The following CAMK1D variants were observed in gnomAD, a reference collection of about 807,000 sequenced individuals.
The protein encoded by CAMK1D is calcium/calmodulin dependent protein kinase ID.
In CAMK1D, 9 loss-of-function variants were observed where a neutral mutation model predicts 47.7. That is an observed-to-expected ratio of 0.19 (90% CI 0.11 to 0.33). CAMK1D has a LOEUF of 0.33. Among genes scored for constraint, CAMK1D ranks in the 10% least tolerant of loss-of-function variants. CAMK1D has a pLI of 1.00. For synonymous variants in CAMK1D, 184 were observed against 184.9 expected (o/e 0.99, Z 0.04); for missense variants, 291 against 488.7 (o/e 0.60, Z 3.81).
intron 6 of CAMK1D, among the ~76,000 whole-genome samples, chr10:12,804,937 C>CAAAAAAAAAAAAAAAAAAAAAAAAAA (rs145584740): frequency 2.0e-5 from 1 of 51,056 alleles, no homozygotes; most frequent in Non-Finnish European, 3.2e-5. Flanking sequence ...GACCCTGTCT[C>CAAAAAAAAAAAAAAAAAAAAAAAAAA]AAAAAAAAAA....
At chr10:12,436,134 G>A (rs1395161265) in intron 1 of CAMK1D, among the ~76,000 whole-genome samples, 1 of 152,182 alleles carries the variant, frequency 6.6e-6, no homozygotes, top group Non-Finnish European at 1.5e-5. Context: ...GGCTTTCCGG[G>A]CCCCGGCTTC....
intron 1 of CAMK1D, among the ~76,000 whole-genome samples, chr10:12,390,775 C>A (rs1371558436): frequency 6.6e-6 from 1 of 152,138 alleles, no homozygotes; most frequent in Non-Finnish European, 1.5e-5. Flanking sequence ...GAGGGACTTG[C>A]CTGAGATCAC....
chr10:12,647,777 G>A (rs1366674526), intron 2 of CAMK1D, among the ~76,000 whole-genome samples: 2 of 152,318 alleles, frequency 1.3e-5, no homozygotes, highest in East Asian at 3.9e-4. Flanking sequence ...CCCAATGCTT[G>A]TGGGTGTGTG....
intron 1 of CAMK1D, among the ~76,000 whole-genome samples, chr10:12,367,762 A>G (rs1370074246): frequency 2.0e-5 from 3 of 151,964 alleles, no homozygotes; most frequent in South Asian, 4.2e-4. Context: ...ACTGCAAGTG[A>G]TGGGGGCGTC....
chr10:12,401,774 G>C (rs544295508), intron 1 of CAMK1D, among the ~76,000 whole-genome samples: 2 of 152,074 alleles, frequency 1.3e-5, no homozygotes, highest in South Asian at 2.1e-4. Flanking sequence ...TTGGTCCTGA[G>C]ACACAGAGGA....
chr10:12,784,213 T>TTTTTTG (rs1331273409), intron 5 of CAMK1D, among the ~76,000 whole-genome samples: 6 of 142,334 alleles, frequency 4.2e-5, no homozygotes, highest in Non-Finnish European at 9.4e-5. Context: ...TTTTTTTTTT[T>TTTTTTG]TTTGAGATGG....
At chr10:12,515,422 T>TC (rs1437868584) in intron 1 of CAMK1D, among the ~76,000 whole-genome samples, 15 of 134,094 alleles carry the variant, frequency 1.1e-4, no homozygotes, top group African/African-American at 3.9e-4. Flanking sequence ...TTTTTTCTTT[T>TC]TTTTTTTCAT....
At chr10:12,532,838 G>T (rs1835852662) in intron 1 of CAMK1D, among the ~76,000 whole-genome samples, 1 of 151,946 alleles carries the variant, frequency 6.6e-6, no homozygotes, top group South Asian at 2.1e-4. Context: ...AATAAGCCAG[G>T]CACAGAAAGA....
intron 2 of CAMK1D, among the ~76,000 whole-genome samples, chr10:12,591,266 T>C (rs1031728404): frequency 6.6e-6 from 1 of 152,220 alleles, no homozygotes; most frequent in African/African-American, 2.4e-5. Flanking sequence ...ATAACCCCTG[T>C]AGCAATTGGC....
At chr10:12,594,136 A>G (rs761202897) in intron 2 of CAMK1D, among the ~76,000 whole-genome samples, 2 of 152,238 alleles carry the variant, frequency 1.3e-5, no homozygotes, top group Non-Finnish European at 2.9e-5. Context: ...AGATCGTGCC[A>G]TTGCACTCTA....
chr10:12,721,142 G>A (rs1229795176), intron 3 of CAMK1D, among the ~76,000 whole-genome samples: 1 of 152,206 alleles, frequency 6.6e-6, no homozygotes, highest in African/African-American at 2.4e-5. Flanking sequence ...ACGGTCAAGG[G>A]GCTAATGTCT....
chr10:12,404,929 C>T (rs1839364788), intron 1 of CAMK1D, among the ~76,000 whole-genome samples: 1 of 152,056 alleles, frequency 6.6e-6, no homozygotes, highest in Admixed American at 6.6e-5. Flanking sequence ...CCTCCATCCG[C>T]CTGCCTCAGC....
intron 1 of CAMK1D, among the ~76,000 whole-genome samples, chr10:12,433,727 C>T (rs1482470622): frequency 6.6e-6 from 1 of 152,218 alleles, no homozygotes; most frequent in African/African-American, 2.4e-5. Context: ...TTTGCAGTAA[C>T]ATTGAGGAAC....
intron 1 of CAMK1D, among the ~76,000 whole-genome samples, chr10:12,352,936 A>G (rs1423333546): frequency 6.6e-6 from 1 of 151,888 alleles, no homozygotes; most frequent in Non-Finnish European, 1.5e-5. Context: ...ACGGGGTTTC[A>G]CCGTGTTAGC....
In CAMK1D at chr10:12,468,128, G is replaced by A. The variant is rs562030201; in HGVS notation, c.93-85097G>A. Among the ~76,000 whole-genome samples the A allele has an allele frequency of 2.2e-4, 33 of 152,204 alleles. No individual in the cohort carries two copies. The South Asian group carries it at 2.5e-3, about 11-fold the overall frequency. The stretch of plus-strand genomic sequence containing the variant: ...TAGAGGGCAGTGGTGCCATCATGGC[G>A]CACTGCAGCCTTGACCTCCTGGGCT... On this transcript the variant is annotated intron_variant, in intron 1 of 10. Coordinates refer to ENST00000619168, the MANE Select transcript of CAMK1D (RefSeq NM_153498.4).
chr10:12,601,365 G>A (rs1216868552), intron 2 of CAMK1D, among the ~76,000 whole-genome samples: 1 of 152,134 alleles, frequency 6.6e-6, no homozygotes, highest in Non-Finnish European at 1.5e-5. Flanking sequence ...GAAAACACAT[G>A]ACCTGAGCTC....
intron 5 of CAMK1D, among the ~76,000 whole-genome samples, chr10:12,780,214 G>A (rs1278265259): frequency 3.3e-5 from 5 of 151,980 alleles, no homozygotes; most frequent in Non-Finnish European, 7.4e-5. Flanking sequence ...GAAACCAGGG[G>A]TTCCAGCCAG....
chr10:12,507,395 C>G (rs527260485), intron 1 of CAMK1D, among the ~76,000 whole-genome samples: 1 of 152,252 alleles, frequency 6.6e-6, no homozygotes, highest in East Asian at 1.9e-4. Flanking sequence ...AGGGAAGCAC[C>G]CTTTTTGTTT....
intron 3 of CAMK1D, among the ~76,000 whole-genome samples, chr10:12,688,322 G>A (rs1564493115): frequency 1.3e-5 from 2 of 152,134 alleles, no homozygotes; most frequent in Admixed American, 1.3e-4. Context: ...TCTTAGTGTC[G>A]TAGCATCTGG....
Sources: allele counts gnomAD v4.1 joint callset (sites outside exome capture counted in the v4.1 genomes callset), GRCh38; gene constraint gnomAD v4.1.1; transcripts MANE v1.5; gene names NCBI Gene and HGNC (gene_info 2026-07-23, HGNC 2026-07-21).